ARMC3: variants seen among roughly 807,000 people sequenced by gnomAD.
The protein encoded by ARMC3 is armadillo repeat-containing protein 3.
ARMC3 carries 74 observed loss-of-function variants against 90.3 expected under a neutral mutation model. The ratio of observed to expected loss-of-function variants is 0.82; its 90% CI spans 0.68 to 0.99. The LOEUF is 0.99. Ranked by LOEUF, ARMC3 falls within the 50% of genes least tolerant of loss-of-function variation. The probability of loss-of-function intolerance (pLI) is 0.00; values close to 1 mark genes in which losing one functional copy is unlikely to be tolerated. For missense variants in ARMC3, 958 were observed against 1,042.8 expected (o/e 0.92, Z 1.12); for synonymous variants, 334 against 361.8 (o/e 0.92, Z 0.87).
intron 6 of ARMC3, 111 bp downstream of exon 6, chr10:22,959,685 C>A: frequency 2.0e-6 from 2 of 981,474 alleles, no homozygotes; most frequent in Admixed American, 3.1e-5. Flanking sequence ...ATCATCAGAT[C>A]TTCTTGTTAC....
intron 11 of ARMC3, among the ~76,000 whole-genome samples, chr10:23,000,621 T>G (rs549314641): frequency 1.1e-4 from 17 of 152,350 alleles, no homozygotes; most frequent in African/African-American, 4.1e-4. Context: ...ATTAAATCTT[T>G]GCCTAAAGGA....
intron 10 of ARMC3, among the ~76,000 whole-genome samples, chr10:22,992,118 G>T (rs969357962): frequency 3.3e-5 from 5 of 152,192 alleles, no homozygotes; most frequent in Non-Finnish European, 5.9e-5. Context: ...ATGTATGGAA[G>T]TGAAGTATTG....
intron 16 of ARMC3, among the ~76,000 whole-genome samples, chr10:23,028,607 A>G (rs539031436): frequency 1.3e-5 from 2 of 152,292 alleles, no homozygotes; most frequent in Admixed American, 6.5e-5. Flanking sequence ...TTTAGCAGAC[A>G]ATTGACTAAG....
chr10:23,014,269 T>C, intron 16 of ARMC3: 2 of 1,477,134 alleles, frequency 1.4e-6, no homozygotes, highest in Middle Eastern at 1.8e-4. Flanking sequence ...AGAGGAGAGA[T>C]GGTGTCAGGA....
intron 11 of ARMC3, 90 bp from the exon 12 acceptor site, chr10:23,001,829 T>TA: frequency 7.1e-7 from 1 of 1,415,272 alleles, no homozygotes; most frequent in Non-Finnish European, 9.5e-7. Flanking sequence ...AGTTAAAACC[T>TA]TTTAGCAATC....
intron 16 of ARMC3, among the ~76,000 whole-genome samples, chr10:23,029,944 G>GTT (rs1288905149): frequency 3.3e-5 from 5 of 152,076 alleles, no homozygotes; most frequent in African/African-American, 4.8e-5. Context: ...GGTCTTAACT[G>GTT]AAGTAACAGA....
At chr10:22,934,590 C>T (rs752164614) in intron 2 of ARMC3, among the ~76,000 whole-genome samples, 5 of 152,076 alleles carry the variant, frequency 3.3e-5, no homozygotes, top group Non-Finnish European at 5.9e-5. Flanking sequence ...CTAAGAGTAC[C>T]GGTTCTGGGG....
At chr10:22,965,601 C>T (rs909935953) in intron 7 of ARMC3, among the ~76,000 whole-genome samples, 1 of 152,120 alleles carries the variant, frequency 6.6e-6, no homozygotes, top group Non-Finnish European at 1.5e-5. Context: ...ATTTTTCAGT[C>T]ATTATTTATG....
intron 2 of ARMC3, among the ~76,000 whole-genome samples, chr10:22,939,499 A>G (rs981644456): frequency 6.6e-6 from 1 of 152,194 alleles, no homozygotes; most frequent in Non-Finnish European, 1.5e-5. Flanking sequence ...GTCCCCAGAA[A>G]AGTCATGCGT....
At chr10:22,974,946 C>G (rs1175383559) in intron 8 of ARMC3, among the ~76,000 whole-genome samples, 2 of 146,144 alleles carry the variant, frequency 1.4e-5, no homozygotes, top group Non-Finnish European at 3.0e-5. Flanking sequence ...GGCCAAGACT[C>G]TCTTTTTTAA....
chr10:22,932,433 A>G (rs887940322), intron 2 of ARMC3, among the ~76,000 whole-genome samples: 9 of 152,196 alleles, frequency 5.9e-5, no homozygotes, highest in African/African-American at 2.2e-4. Flanking sequence ...AGATATGTAT[A>G]TAAGGTTGTC....
intron 1 of ARMC3, among the ~76,000 whole-genome samples, chr10:22,929,251 GAA>G (rs1491295843): frequency 6.9e-6 from 1 of 145,502 alleles, no homozygotes; most frequent in Non-Finnish European, 1.5e-5. Context: ...GAAAAAAAGA[GAA>G]GAGAGAGAGA....
chr10:23,006,296 G>C (rs564001745), intron 13 of ARMC3, among the ~76,000 whole-genome samples: 1 of 152,316 alleles, frequency 6.6e-6, no homozygotes, highest in African/African-American at 2.4e-5. Context: ...AACAGGAACC[G>C]TGGCAGTGTC....
At chr10:22,945,190 A>C (rs747852385) in intron 2 of ARMC3, among the ~76,000 whole-genome samples, 1 of 152,212 alleles carries the variant, frequency 6.6e-6, no homozygotes, top group Non-Finnish European at 1.5e-5. Flanking sequence ...TCAGAGTAAT[A>C]TATTTCTCCA....
At chr10:23,002,548 C>CTCTTTCTTTCTTTCTT (rs137938291) in intron 12 of ARMC3, among the ~76,000 whole-genome samples, 51 of 147,570 alleles carry the variant, frequency 3.5e-4, no homozygotes, top group African/African-American at 1.3e-3. Context: ...CATTTCTTTT[C>CTCTTTCTTTCTTTCTT]TCTTTCTTTC....
At chr10:22,985,729 C>T (rs1469048111) in intron 10 of ARMC3, among the ~76,000 whole-genome samples, 1 of 152,164 alleles carries the variant, frequency 6.6e-6, no homozygotes, top group Non-Finnish European at 1.5e-5. Flanking sequence ...AAATTATTAA[C>T]AAACATGAAT....
At chr10:23,023,999 AGAG>A (rs750953488) in intron 16 of ARMC3, among the ~76,000 whole-genome samples, 1 of 152,210 alleles carries the variant, frequency 6.6e-6, no homozygotes, top group Non-Finnish European at 1.5e-5. Context: ...TGATTAAAGA[AGAG>A]GAGAAGATTC....
At chr10:22,933,701 T>C (rs1171139) in intron 2 of ARMC3, among the ~76,000 whole-genome samples, 64,287 of 151,888 alleles carry the variant, frequency 0.42, 18,507 homozygotes, top group African/African-American at 0.82. Flanking sequence ...CTGGCTAACA[T>C]GGTGAAACCC....
intron 3 of ARMC3, among the ~76,000 whole-genome samples, chr10:22,948,786 G>A (rs1834633408): frequency 6.6e-6 from 1 of 152,162 alleles, no homozygotes; most frequent in Non-Finnish European, 1.5e-5. Context: ...TGAAAGTCCA[G>A]AGAAATAAAG....
Sources: allele counts gnomAD v4.1 joint callset (sites outside exome capture counted in the v4.1 genomes callset), GRCh38; gene constraint gnomAD v4.1.1; transcripts MANE v1.5; gene names NCBI Gene and HGNC (gene_info 2026-07-23, HGNC 2026-07-21).